Variants in SCCPDH observed in about 807,000 individuals in gnomAD.
SCCPDH encodes saccharopine dehydrogenase (putative), also known as saccharopine dehydrogenase-like oxidoreductase.
Under a neutral mutation model 51.5 loss-of-function variants are expected in SCCPDH, and 34 were observed. The ratio of observed to expected loss-of-function variants is 0.66; its 90% CI spans 0.50 to 0.88. The LOEUF is 0.88. Among genes scored for constraint, SCCPDH ranks in the 40% least tolerant of loss-of-function variants. SCCPDH has a pLI of 0.00. For synonymous variants in SCCPDH, 187 were observed against 191.3 expected (o/e 0.98, Z 0.19); for missense variants, 464 against 527.1 (o/e 0.88, Z 1.17).
At chr1:246,727,382 C>G (rs1277744972) in intron 2 of SCCPDH, among the ~76,000 whole-genome samples, 1 of 150,580 alleles carries the variant, frequency 6.6e-6, no homozygotes, top group Non-Finnish European at 1.5e-5. Flanking sequence ...TTTAAATGCA[C>G]AAAAAGAAGA....
At chr1:246,726,480 C>G (rs1002311067) in intron 1 of SCCPDH, among the ~76,000 whole-genome samples, 26 of 151,894 alleles carry the variant, frequency 1.7e-4, no homozygotes, top group African/African-American at 5.8e-4. Context: ...TCAAGAGATC[C>G]TTGCACCTTG....
At position 246,757,784 on chromosome 1, in the gene SCCPDH, G is replaced by A. The variant is rs546548977; in HGVS notation, c.565-442G>A. ...AGGATGGAGAGATGGACAGTACACAGTGTATGTATGCATAAATGTGCACAC... is the reference window on the plus strand; with the variant it reads ...AGGATGGAGAGATGGACAGTACACAATGTATGTATGCATAAATGTGCACAC... On this transcript the variant is annotated intron_variant, in intron 5 of 11. Transcript: ENST00000366510. 2.0e-5 allele frequency among the ~76,000 whole-genome samples: 3 copies of A among 152,278 alleles called. No individual in the cohort carries two copies. In the South Asian group the frequency reaches 6.2e-4, roughly 32 times the overall value.
intron 10 of SCCPDH, among the ~76,000 whole-genome samples, chr1:246,764,862 C>G (rs960463091): frequency 5.3e-5 from 8 of 152,234 alleles, no homozygotes; most frequent in African/African-American, 1.7e-4. Context: ...TATGCAGAGA[C>G]AGACAGGTCC....
rs148135133 is a variant in SCCPDH, at chr1:246,726,953, G to A, written c.252G>A (p.Ser84=). The A allele has an allele frequency of 7.2e-5, 117 of 1,614,144 alleles. 3 individuals are homozygous for A. The African/African-American group carries it at 8.8e-4, about 12-fold the overall frequency. ...TCTGTGATATTGCTAATCCAGCCTCGCTTGATGAAATGGCTAAACAGGCAA... is the reference window on the plus strand; with the variant it reads ...TCTGTGATATTGCTAATCCAGCCTCACTTGATGAAATGGCTAAACAGGCAA... The part of the protein sequence containing the change: ...IIICDIANPA[S]LDEMAKQATV... The change falls in exon 2 of 12, where the codon TCG becomes TCA. Residue 84 remains serine (S), a synonymous_variant. Transcript: ENST00000366510.
At chr1:246,747,351 T>C (rs915988990) in intron 5 of SCCPDH, among the ~76,000 whole-genome samples, 3 of 152,240 alleles carry the variant, frequency 2.0e-5, no homozygotes, top group African/African-American at 7.2e-5. Flanking sequence ...CCTGGGGTAA[T>C]AGAGTGTGAA....
intron 5 of SCCPDH, 67 bp from the exon 6 acceptor site, chr1:246,758,159 G>A: frequency 8.7e-7 from 1 of 1,155,168 alleles, no homozygotes; most frequent in Non-Finnish European, 1.2e-6. Context: ...ACAATGATAA[G>A]TTACTTGGCT....
At chr1:246,741,536 G>A (rs904013251) in intron 4 of SCCPDH, among the ~76,000 whole-genome samples, 3 of 151,960 alleles carry the variant, frequency 2.0e-5, no homozygotes, top group Non-Finnish European at 4.4e-5. Flanking sequence ...GGCCTCAGGT[G>A]ATCCTCCCAC....
intron 5 of SCCPDH, among the ~76,000 whole-genome samples, chr1:246,755,185 A>G (rs1022420964): frequency 1.3e-5 from 2 of 152,254 alleles, no homozygotes; most frequent in Admixed American, 1.3e-4. Flanking sequence ...ATGGATTAAA[A>G]TATGAATCCA....
At chr1:246,750,474 C>G (rs1257274120) in intron 5 of SCCPDH, among the ~76,000 whole-genome samples, 2 of 152,152 alleles carry the variant, frequency 1.3e-5, no homozygotes, top group African/African-American at 4.8e-5. Flanking sequence ...GTCCATGGCA[C>G]CCGAGTCTCT....
At chr1:246,736,102 G>T (rs775999822) in intron 3 of SCCPDH, 47 bp downstream of exon 3, 1 of 1,339,278 alleles carries the variant, frequency 7.5e-7, no homozygotes, top group Non-Finnish European at 1.1e-6. Flanking sequence ...CATAAATTTC[G>T]GTTTAATGAA....
chr1:246,748,028 A>G (rs1234844595), intron 5 of SCCPDH, among the ~76,000 whole-genome samples: 6 of 152,224 alleles, frequency 3.9e-5, no homozygotes, highest in East Asian at 1.9e-4. Flanking sequence ...AATTTATTCT[A>G]TCCTACAATT....
At chr1:246,749,017 G>C (rs1038781461) in intron 5 of SCCPDH, among the ~76,000 whole-genome samples, 5 of 152,362 alleles carry the variant, frequency 3.3e-5, no homozygotes, top group Middle Eastern at 3.4e-3. Flanking sequence ...AAAGGCACGA[G>C]GTGAAGTTAA....
At chr1:246,732,435 G>A (rs368910011) in intron 2 of SCCPDH, among the ~76,000 whole-genome samples, 10 of 151,778 alleles carry the variant, frequency 6.6e-5, no homozygotes, top group South Asian at 2.1e-4. Flanking sequence ...TCACCCAGGC[G>A]GAAATGCAGT....
intron 1 of SCCPDH, 119 bp downstream of exon 1, chr1:246,724,731 G>C (rs907058255): frequency 1.1e-6 from 1 of 875,670 alleles, no homozygotes; most frequent in Non-Finnish European, 1.6e-6. Flanking sequence ...CCTGCGTGAG[G>C]ACAAGAAGAG....
At chr1:246,729,369 G>A (rs1213921150) in intron 2 of SCCPDH, among the ~76,000 whole-genome samples, 2 of 139,536 alleles carry the variant, frequency 1.4e-5, no homozygotes, top group Non-Finnish European at 3.2e-5. Flanking sequence ...ATCTTCAACT[G>A]CATAAGACAG....
In SCCPDH at chr1:246,767,380, C is replaced by A. The variant is rs771594378; in HGVS notation, c.*80C>A. ...TTGATATTTGAAATTCTTCTGTAAG[C>A]CTGTCTGAGTGTATGTGGAAACGAT... On this transcript the variant is annotated 3_prime_UTR_variant, in exon 12 of 12. Transcript: ENST00000366510. 4.1e-5 allele frequency: 32 copies of A among 772,384 alleles called. No homozygotes were observed. The highest frequency in any genetic ancestry group is 6.1e-5 in the Non-Finnish European group (31 of 508,528). 47.8% of individuals were successfully genotyped at this position (772,384 alleles called of 1,614,324 possible). A position where few individuals can be genotyped will look rare whatever the true frequency, so the allele number is the denominator to read the frequency against.
chr1:246,728,338 C>A (rs972685449), intron 2 of SCCPDH, among the ~76,000 whole-genome samples: 3 of 152,228 alleles, frequency 2.0e-5, no homozygotes, highest in Non-Finnish European at 4.4e-5. Flanking sequence ...TAGATTCCAT[C>A]CATGAGGTCC....
intron 5 of SCCPDH, among the ~76,000 whole-genome samples, chr1:246,749,817 C>G (rs1668824619): frequency 6.6e-6 from 1 of 152,104 alleles, no homozygotes; most frequent in Non-Finnish European, 1.5e-5. Flanking sequence ...CTGAGGAGAG[C>G]TAGGAAGGAT....
intron 5 of SCCPDH, among the ~76,000 whole-genome samples, chr1:246,756,379 G>GATGT (rs1352432073): frequency 2.6e-5 from 4 of 152,148 alleles, no homozygotes; most frequent in Non-Finnish European, 4.4e-5. Context: ...TTAGTTGCTG[G>GATGT]TTACCTGTAG....
Sources: allele counts gnomAD v4.1 joint callset (sites outside exome capture counted in the v4.1 genomes callset), GRCh38; gene constraint gnomAD v4.1.1; transcripts MANE v1.5; gene names NCBI Gene and HGNC (gene_info 2026-07-23, HGNC 2026-07-21).